TMEM132D: variants seen among roughly 807,000 people sequenced by gnomAD.
TMEM132D encodes the protein transmembrane protein 132D.
Under a neutral mutation model 62.3 loss-of-function variants are expected in TMEM132D, and 21 were observed. The observed-to-expected ratio is 0.34, with a 90% CI of 0.24 to 0.49. The LOEUF (loss-of-function observed/expected upper bound fraction) is 0.49. Among genes scored for constraint, TMEM132D ranks in the 20% least tolerant of loss-of-function variants. The pLI is 0.99. For missense variants in TMEM132D, 1,346 were observed against 1,402.8 expected (o/e 0.96, Z 0.65); for synonymous variants, 621 against 575.6 (o/e 1.08, Z -1.13).
At chr12:129,872,361 G>T (rs571703309) in intron 1 of TMEM132D, among the ~76,000 whole-genome samples, 3 of 152,272 alleles carry the variant, frequency 2.0e-5, no homozygotes, top group South Asian at 2.1e-4. Context: ...TCGTGAACGT[G>T]AACTTCCCAA....
rs146769377 is a variant in TMEM132D at position 129,450,439 on chromosome 12, C to T, written c.1115+80620G>A. On this transcript the variant is annotated intron_variant, in intron 3 of 8. Coordinates refer to ENST00000422113, the MANE Select transcript of TMEM132D (RefSeq NM_133448.3). The stretch of plus-strand genomic sequence containing the variant: ...TATCTATGTAACAAACCTGTACTTG[C>T]ACCCCTGAACTTAAAAGTTTTAGAA... 1.5e-3 allele frequency among the ~76,000 whole-genome samples: 227 copies of T among 152,274 alleles called. 2 individuals are homozygous for T. Among genetic ancestry groups the T allele is most frequent in the African/African-American group, 5.0e-3 (207 of 41,548 alleles).
intron 5 of TMEM132D, among the ~76,000 whole-genome samples, chr12:129,176,443 G>C (rs1393170402): frequency 1.3e-5 from 2 of 152,188 alleles, no homozygotes; most frequent in African/African-American, 4.8e-5. Flanking sequence ...GCTGTTGTTG[G>C]GACCCGTAAT....
At chr12:129,773,726 A>G (rs1283325945) in intron 1 of TMEM132D, among the ~76,000 whole-genome samples, 2 of 152,344 alleles carry the variant, frequency 1.3e-5, no homozygotes, top group African/African-American at 2.4e-5. Context: ...AGAGCACGTC[A>G]CTGGATGGAA....
In TMEM132D at chr12:129,362,882, A is replaced by G. The variant is rs1870291110; in HGVS notation, c.1116-25065T>C. ...ACTTCAGGGATTAGAAAAGGGGTCT[A>G]TCTTTGAAGTACCAGCTCTGCCTGC... is the stretch of plus-strand genomic sequence containing the variant. On this transcript the variant is annotated intron_variant, in intron 3 of 8. Coordinates refer to ENST00000422113, the MANE Select transcript of TMEM132D (RefSeq NM_133448.3). 2.0e-5 allele frequency among the ~76,000 whole-genome samples: 3 copies of G among 152,244 alleles called. No individual in the cohort carries two copies. The South Asian group carries it at 6.2e-4, about 31-fold the overall frequency.
chr12:129,084,872 G>T, intron 5 of TMEM132D, 170 bp from the exon 6 acceptor site: 1 of 610,360 alleles, frequency 1.6e-6, no homozygotes, highest in South Asian at 2.0e-5. Context: ...TGTTGCTTTT[G>T]AGTAATAATA....
rs11385383 is a variant in TMEM132D at position 129,424,707 on chromosome 12, CAAAAAAA to C, written c.1116-86897_1116-86891del. Among the ~76,000 whole-genome samples, 44 of 31,832 alleles carry C rather than the reference CAAAAAAA, an allele frequency of 1.4e-3. 1 individual carries two copies. Among genetic ancestry groups the C allele is most frequent in the African/African-American group, 4.7e-3 (41 of 8,810 alleles). The allele number at this position is 31,832 out of a possible 152,430, so 20.9% of individuals were successfully genotyped here. Reference sequence around the variant, plus strand: ...TGGGTGACAGAGCGAGACTCCATCTCAAAAAAAAAAAAAAAAAAAAAAAAAGACATCT... The same window carrying C: ...TGGGTGACAGAGCGAGACTCCATCTCAAAAAAAAAAAAAAAAAAGACATCT... On this transcript the variant is annotated intron_variant, in intron 3 of 8. Transcript: ENST00000422113.
chr12:129,801,121 A>G (rs977946925), intron 1 of TMEM132D, among the ~76,000 whole-genome samples: 20 of 152,202 alleles, frequency 1.3e-4, no homozygotes, highest in Non-Finnish European at 2.4e-4. Flanking sequence ...ACTGCAAGGC[A>G]GCAGCGAGGT....
Position 129,634,706 on chromosome 12 carries a change from T to C in TMEM132D, c.968+65104A>G, listed in dbSNP as rs113880911. Among the ~76,000 whole-genome samples the C allele has an allele frequency of 4.2e-3, 636 of 152,294 alleles. 3 individuals carry two copies. Among genetic ancestry groups the C allele is most frequent in the African/African-American group, 0.014 (601 of 41,560 alleles). On this transcript the variant is annotated intron_variant, in intron 2 of 8. Transcript: ENST00000422113. ...ACGTTGGCAGGTCAGAGTTGGAATA[T>C]TGTATTTTAAAATTATGTTGTTATT...
chr12:129,549,193 C>T (rs952650005), intron 2 of TMEM132D, among the ~76,000 whole-genome samples: 1 of 150,808 alleles, frequency 6.6e-6, no homozygotes, highest in African/African-American at 2.4e-5. Flanking sequence ...GAATAAGTCT[C>T]ATGGGATCTG....
intron 1 of TMEM132D, chr12:129,839,831 G>A (rs959261240): frequency 6.6e-6 from 1 of 152,096 alleles, no homozygotes; most frequent in African/African-American, 2.4e-5. Flanking sequence ...TACGTCTGAG[G>A]CCATCACCCG....
At chr12:129,817,108 T>G (rs1279530590) in intron 1 of TMEM132D, among the ~76,000 whole-genome samples, 1 of 152,216 alleles carries the variant, frequency 6.6e-6, no homozygotes. Flanking sequence ...GTATAATGCA[T>G]GAAATCGGAG....
intron 1 of TMEM132D, among the ~76,000 whole-genome samples, chr12:129,735,319 T>A (rs1869390268): frequency 6.6e-6 from 1 of 152,110 alleles, no homozygotes; most frequent in African/African-American, 2.4e-5. Flanking sequence ...ATTTAAAAGG[T>A]GGTATCCTAC....
intron 2 of TMEM132D, among the ~76,000 whole-genome samples, chr12:129,652,957 G>T (rs1302255001): frequency 2.6e-5 from 4 of 152,218 alleles, no homozygotes; most frequent in Non-Finnish European, 5.9e-5. Flanking sequence ...TGACGAATGA[G>T]AAAACAATCG....
At chr12:129,137,992 T>C (rs1179295898) in intron 5 of TMEM132D, among the ~76,000 whole-genome samples, 1 of 152,198 alleles carries the variant, frequency 6.6e-6, no homozygotes, top group Admixed American at 6.5e-5. Flanking sequence ...AATAAAGCTC[T>C]CTTCTGCTTA....
At chr12:129,880,385 C>T in intron 1 of TMEM132D, among the ~76,000 whole-genome samples, 1 of 152,178 alleles carries the variant, frequency 6.6e-6, no homozygotes, top group East Asian at 1.9e-4. Context: ...GACAGAAAGA[C>T]TGTGTTACAG....
intron 2 of TMEM132D, among the ~76,000 whole-genome samples, chr12:129,606,255 A>G (rs558934911): frequency 2.1e-4 from 32 of 152,244 alleles, no homozygotes; most frequent in African/African-American, 7.5e-4. Flanking sequence ...AGAAAGCTTC[A>G]AAGGGGCTTG....
At chr12:129,507,320 A>G (rs984102512) in intron 3 of TMEM132D, among the ~76,000 whole-genome samples, 15 of 152,230 alleles carry the variant, frequency 9.9e-5, no homozygotes, top group African/African-American at 3.6e-4. Context: ...TAAAGAACTA[A>G]AAGTAGAACT....
chr12:129,654,240 T>C (rs1172045614), intron 2 of TMEM132D, among the ~76,000 whole-genome samples: 1 of 151,508 alleles, frequency 6.6e-6, no homozygotes, highest in Non-Finnish European at 1.5e-5. Context: ...TTCCCATCAG[T>C]CTCAGTCTCT....
chr12:129,654,762 C>A (rs1441658048), intron 2 of TMEM132D, among the ~76,000 whole-genome samples: 1 of 152,084 alleles, frequency 6.6e-6, no homozygotes. Flanking sequence ...CCTTTTTACT[C>A]TCAAGAGCTA....
Sources: gnomAD v4.1 joint callset for allele counts (sites outside exome capture counted in the v4.1 genomes callset) on GRCh38, gnomAD v4.1.1 for gene constraint, MANE v1.5 for transcripts, NCBI Gene and HGNC (gene_info 2026-07-23, HGNC 2026-07-21) for gene names.